SPMIP2: variants seen among roughly 807,000 people sequenced by gnomAD.
SPMIP2 encodes the protein sperm microtubule inner protein 2.
chr4:158,980,537 C>T, the SPMIP2 span, among the ~76,000 whole-genome samples: 1 of 152,238 alleles, frequency 6.6e-6, no homozygotes, highest in African/African-American at 2.4e-5. Context: ...TGTTCTGCAG[C>T]CTTCGCTGGT....
At chr4:159,026,889 A>G in the SPMIP2 span, among the ~76,000 whole-genome samples, 1 of 150,104 alleles carries the variant, frequency 6.7e-6, no homozygotes, top group African/African-American at 2.4e-5. Flanking sequence ...ATATATTTAT[A>G]TTTATGCATA....
chr4:159,010,245 T>A, the SPMIP2 span, among the ~76,000 whole-genome samples: 4 of 152,170 alleles, frequency 2.6e-5, no homozygotes, highest in African/African-American at 9.7e-5. Flanking sequence ...TAAGGGAGCT[T>A]TGGATAGGTG....
At chr4:158,909,532 T>G in the SPMIP2 span, 7 of 151,984 alleles carry the variant, frequency 4.6e-5, 1 homozygote, top group Middle Eastern at 6.9e-3. Flanking sequence ...TTCTGTATGT[T>G]ACCTCATTTA....
At chr4:159,034,612 TG>T in the SPMIP2 span, among the ~76,000 whole-genome samples, 6 of 152,142 alleles carry the variant, frequency 3.9e-5, no homozygotes, top group African/African-American at 1.2e-4. Flanking sequence ...GTAGGTGGGT[TG>T]GGCATGGTGG....
At chr4:159,044,677 C>T in the SPMIP2 span, among the ~76,000 whole-genome samples, 2 of 152,112 alleles carry the variant, frequency 1.3e-5, no homozygotes, top group African/African-American at 4.8e-5. Flanking sequence ...TTTTTCTGTG[C>T]TCCAGTCATC....
the SPMIP2 span, among the ~76,000 whole-genome samples, chr4:158,924,982 T>C: frequency 1.2e-4 from 18 of 152,232 alleles, no homozygotes; most frequent in East Asian, 2.3e-3. Context: ...ATATTTTGTA[T>C]CTATATTCAT....
the SPMIP2 span, among the ~76,000 whole-genome samples, chr4:159,053,881 G>T: frequency 6.8e-6 from 1 of 146,984 alleles, no homozygotes; most frequent in Non-Finnish European, 1.5e-5. Flanking sequence ...TTGAACCCAA[G>T]AATAAACCAG....
chr4:158,928,872 G>A, the SPMIP2 span, among the ~76,000 whole-genome samples: 2 of 151,952 alleles, frequency 1.3e-5, no homozygotes, highest in African/African-American at 2.4e-5. Flanking sequence ...AACAGTCACC[G>A]CGAAGGGCTG....
chr4:159,003,602 A>G, the SPMIP2 span, among the ~76,000 whole-genome samples: 1 of 152,070 alleles, frequency 6.6e-6, no homozygotes, highest in African/African-American at 2.4e-5. Flanking sequence ...AAATTCAATG[A>G]CCTCAACTAC....
chr4:159,059,343 G>A, the SPMIP2 span, among the ~76,000 whole-genome samples: 1 of 152,138 alleles, frequency 6.6e-6, no homozygotes, highest in African/African-American at 2.4e-5. Context: ...TATTTTTAAT[G>A]TACTATAGAG....
chr4:159,076,730 C>T, the SPMIP2 span, among the ~76,000 whole-genome samples: 5 of 152,196 alleles, frequency 3.3e-5, no homozygotes, highest in African/African-American at 1.2e-4. Context: ...TATAGTAATA[C>T]AATCATAGCT....
At chr4:158,895,640 G>A in the SPMIP2 span, 1 of 679,948 alleles carries the variant, frequency 1.5e-6, no homozygotes, top group African/African-American at 1.8e-5. Flanking sequence ...ATTTGAAACT[G>A]ATGAGATAAA....
the SPMIP2 span, among the ~76,000 whole-genome samples, chr4:159,011,844 G>A: frequency 6.6e-6 from 1 of 151,922 alleles, no homozygotes; most frequent in Middle Eastern, 3.2e-3. Context: ...TGGATTACCT[G>A]AGGTAAGGAG....
chr4:159,063,694 A>G, the SPMIP2 span, among the ~76,000 whole-genome samples: 1 of 152,206 alleles, frequency 6.6e-6, no homozygotes, highest in East Asian at 1.9e-4. Flanking sequence ...GATAATATCA[A>G]AAGACGGCCG....
the SPMIP2 span, among the ~76,000 whole-genome samples, chr4:158,967,787 A>G: frequency 6.6e-6 from 1 of 152,118 alleles, no homozygotes; most frequent in Non-Finnish European, 1.5e-5. Context: ...CTGGCAATAC[A>G]TTTTTCCCAG....
At chr4:159,075,664 T>C in the SPMIP2 span, among the ~76,000 whole-genome samples, 1 of 152,184 alleles carries the variant, frequency 6.6e-6, no homozygotes, top group African/African-American at 2.4e-5. Context: ...GGTGACAGGA[T>C]GTGTCATAGA....
chr4:159,006,053 C>T, the SPMIP2 span, among the ~76,000 whole-genome samples: 1,562 of 152,310 alleles, frequency 0.01, 21 homozygotes, highest in African/African-American at 0.035. Context: ...CGTGAGCCAC[C>T]GCGCCTGACC....
At chr4:158,898,051 C>T in the SPMIP2 span, among the ~76,000 whole-genome samples, 2 of 152,182 alleles carry the variant, frequency 1.3e-5, no homozygotes, top group Non-Finnish European at 2.9e-5. Context: ...CAGTTTTCTG[C>T]ATATGGCTAG....
the SPMIP2 span, chr4:158,909,290 G>C: frequency 6.6e-6 from 1 of 151,702 alleles, no homozygotes; most frequent in South Asian, 2.1e-4. Flanking sequence ...TGGGGGGAAA[G>C]TTACAGTAGA....
Sources: gnomAD v4.1 joint callset for allele counts (sites outside exome capture counted in the v4.1 genomes callset) on GRCh38, gnomAD v4.1.1 for gene constraint, MANE v1.5 for transcripts, NCBI Gene and HGNC (gene_info 2026-07-23, HGNC 2026-07-21) for gene names.